PHLDB2: variants seen among roughly 807,000 people sequenced by gnomAD.
PHLDB2 encodes the protein pleckstrin homology-like domain family B member 2.
In PHLDB2, 71 loss-of-function variants were observed where a neutral mutation model predicts 123.6. The ratio of observed to expected loss-of-function variants is 0.57; its 90% CI spans 0.47 to 0.70. The LOEUF (loss-of-function observed/expected upper bound fraction) is 0.70, where lower values mean the gene tolerates loss of function less well. Ranked by LOEUF, PHLDB2 falls within the 30% of genes least tolerant of loss-of-function variation. The pLI is 0.00. For synonymous variants in PHLDB2, 547 were observed against 541.6 expected (o/e 1.01, Z -0.14); for missense variants, 1,446 against 1,519.5 (o/e 0.95, Z 0.80).
At chr3:111,920,877 A>C (rs1327006439) in intron 5 of PHLDB2, among the ~76,000 whole-genome samples, 2 of 152,178 alleles carry the variant, frequency 1.3e-5, no homozygotes, top group Non-Finnish European at 2.9e-5. Context: ...ATGAATGAGA[A>C]CCACTCATCT....
chr3:111,954,742 A>G (rs545748829), intron 12 of PHLDB2, among the ~76,000 whole-genome samples: 6 of 152,358 alleles, frequency 3.9e-5, no homozygotes, highest in African/African-American at 1.4e-4. Context: ...GCTAGGTGCC[A>G]AGAATGCAAA....
chr3:111,893,031 A>G (rs1411358534), intron 2 of PHLDB2, among the ~76,000 whole-genome samples: 1 of 152,122 alleles, frequency 6.6e-6, no homozygotes. Context: ...AAGTGACTCC[A>G]CATGTAGATT....
At chr3:111,832,693 TATAATAGAATTATACATATAA>T (rs2063116940) in intron 1 of PHLDB2, among the ~76,000 whole-genome samples, 3 of 106,954 alleles carry the variant, frequency 2.8e-5, no homozygotes, top group Admixed American at 1.1e-4. Context: ...ATATAATATA[TATAATAGAATTATACATATAA>T]TATATATAAT....
intron 1 of PHLDB2, among the ~76,000 whole-genome samples, chr3:111,800,654 A>G (rs1242869133): frequency 1.3e-5 from 2 of 152,254 alleles, no homozygotes; most frequent in East Asian, 3.9e-4. Flanking sequence ...CATTTTTACT[A>G]TTGGACTCTT....
intron 1 of PHLDB2, among the ~76,000 whole-genome samples, chr3:111,748,434 G>A (rs761495223): frequency 6.6e-6 from 1 of 152,162 alleles, no homozygotes; most frequent in Non-Finnish European, 1.5e-5. Flanking sequence ...GGCAGGGCAG[G>A]CAAAATAGTC....
intron 1 of PHLDB2, 200 bp downstream of exon 1, chr3:111,859,776 G>C (rs1351192848): frequency 4.1e-6 from 4 of 985,444 alleles, no homozygotes; most frequent in Non-Finnish European, 4.8e-6. Context: ...AGTCAGGAGG[G>C]GCCGGCGGGC....
intron 2 of PHLDB2, among the ~76,000 whole-genome samples, chr3:111,909,581 T>C (rs887165929): frequency 6.6e-6 from 1 of 152,010 alleles, no homozygotes; most frequent in Non-Finnish European, 1.5e-5. Flanking sequence ...CTGGGTGACA[T>C]TGACAGACTT....
At chr3:111,915,991 C>T (rs1255709678) in intron 3 of PHLDB2, 3 of 152,210 alleles carry the variant, frequency 2.0e-5, no homozygotes, top group South Asian at 2.1e-4. Context: ...AATCTTTTCA[C>T]ATATCTTCCT....
chr3:111,834,769 A>G (rs895221365), intron 1 of PHLDB2, among the ~76,000 whole-genome samples: 3 of 152,064 alleles, frequency 2.0e-5, no homozygotes, highest in Admixed American at 1.3e-4. Flanking sequence ...AACCCAGCCA[A>G]TCAAAGACTA....
intron 1 of PHLDB2, among the ~76,000 whole-genome samples, chr3:111,795,097 G>C (rs746458106): frequency 6.6e-6 from 1 of 152,172 alleles, no homozygotes; most frequent in Non-Finnish European, 1.5e-5. Flanking sequence ...ATCATCATGA[G>C]TGGTAACAAC....
chr3:111,750,929 G>C (rs77257592), intron 1 of PHLDB2, among the ~76,000 whole-genome samples: 23,875 of 144,056 alleles, frequency 0.17, 2,490 homozygotes, highest in African/African-American at 0.3. Context: ...CTGGGCGACA[G>C]AGTGTGAAAC....
At chr3:111,743,006 C>T (rs934533461) in intron 1 of PHLDB2, among the ~76,000 whole-genome samples, 2 of 152,170 alleles carry the variant, frequency 1.3e-5, no homozygotes. Flanking sequence ...GTAGTCATAA[C>T]TGAACACAAA....
upstream of PHLDB2, among the ~76,000 whole-genome samples, chr3:111,856,527 A>G (rs1311050604): frequency 6.6e-6 from 1 of 152,238 alleles, no homozygotes; most frequent in Non-Finnish European, 1.5e-5. Flanking sequence ...TATTGCTCTC[A>G]ATAAATTTAG....
intron 1 of PHLDB2, among the ~76,000 whole-genome samples, chr3:111,827,045 A>G (rs1456241905): frequency 6.6e-6 from 1 of 152,234 alleles, no homozygotes; most frequent in African/African-American, 2.4e-5. Flanking sequence ...TCCAAGAGAA[A>G]AAAGGAAAGG....
intron 5 of PHLDB2, among the ~76,000 whole-genome samples, chr3:111,923,635 TTCCACCC>T (rs567549781): frequency 6.6e-6 from 1 of 152,172 alleles, no homozygotes; most frequent in African/African-American, 2.4e-5. Context: ...TTCCCTTGCC[TTCCACCC>T]TCCACCCTCC....
intron 1 of PHLDB2, among the ~76,000 whole-genome samples, chr3:111,752,976 A>T (rs1320772485): frequency 6.6e-6 from 1 of 152,072 alleles, no homozygotes; most frequent in Non-Finnish European, 1.5e-5. Flanking sequence ...AAGGACATGA[A>T]CTCATCATTT....
chr3:111,767,081 G>A (rs2060097525), intron 1 of PHLDB2, among the ~76,000 whole-genome samples: 1 of 149,486 alleles, frequency 6.7e-6, no homozygotes, highest in South Asian at 2.1e-4. Flanking sequence ...TTAAAGCAAA[G>A]GAGTCTCTTT....
intron 1 of PHLDB2, among the ~76,000 whole-genome samples, chr3:111,774,959 A>G (rs1334093539): frequency 1.3e-5 from 2 of 152,296 alleles, no homozygotes; most frequent in Admixed American, 6.5e-5. Flanking sequence ...ATGTGCCATA[A>G]GGAGTGAGTT....
At chr3:111,790,728 C>A (rs947744784) in intron 1 of PHLDB2, among the ~76,000 whole-genome samples, 2 of 152,134 alleles carry the variant, frequency 1.3e-5, no homozygotes, top group African/African-American at 4.8e-5. Flanking sequence ...ACAGAACAGC[C>A]TCCAACCTAA....
Sources: allele counts gnomAD v4.1 joint callset (sites outside exome capture counted in the v4.1 genomes callset), GRCh38; gene constraint gnomAD v4.1.1; transcripts MANE v1.5; gene names NCBI Gene and HGNC (gene_info 2026-07-23, HGNC 2026-07-21).